Variants in EDARADD observed in about 807,000 individuals in gnomAD.
The protein encoded by EDARADD is EDAR associated via death domain.
EDARADD carries 20 observed loss-of-function variants against 25.6 expected under a neutral mutation model. That is an observed-to-expected ratio of 0.78 (90% confidence interval 0.55 to 1.14). EDARADD has a LOEUF of 1.14. EDARADD is among the 50% of genes most tolerant of loss of function. EDARADD has a pLI of 0.00. For synonymous variants in EDARADD, 86 were observed against 94.4 expected (o/e 0.91, Z 0.52); for missense variants, 225 against 270.1 (o/e 0.83, Z 1.17).
At chr1:236,446,135 C>G (rs1658531041) in intron 4 of EDARADD, among the ~76,000 whole-genome samples, 1 of 152,184 alleles carries the variant, frequency 6.6e-6, no homozygotes, top group Non-Finnish European at 1.5e-5. Context: ...CTTCCTACTG[C>G]CATTTTTTAA....
intron 3 of EDARADD, among the ~76,000 whole-genome samples, chr1:236,382,866 C>T (rs944824461): frequency 2.6e-5 from 4 of 152,164 alleles, no homozygotes; most frequent in South Asian, 4.1e-4. Context: ...GTTCTTTCCC[C>T]AGCCTTGGAT....
chr1:236,482,893 A>G lies in EDARADD; in HGVS notation c.*244A>G, dbSNP rs1482560043. On this transcript the variant is annotated 3_prime_UTR_variant, in exon 6 of 6. Coordinates refer to ENST00000334232, the MANE Select transcript of EDARADD (RefSeq NM_145861.4). ...GAATTAAGAAAACATATTTTCTAGT[A>G]TCCTCTAAGGGCCAAAGTCCTACAA... The G allele has an allele frequency of 7.9e-6, 5 of 632,248 alleles. No individual in the cohort carries two copies. Among genetic ancestry groups the G allele is most frequent in the Non-Finnish European group, 1.4e-5 (5 of 368,540 alleles). The allele number at this position is 632,248 out of a possible 1,614,324, so 39.2% of individuals were successfully genotyped here. A position where few individuals can be genotyped will look rare whatever the true frequency, so the allele number is the denominator to read the frequency against.
At chr1:236,381,574 A>G (rs1175338735) in intron 3 of EDARADD, among the ~76,000 whole-genome samples, 1 of 151,864 alleles carries the variant, frequency 6.6e-6, no homozygotes, top group Non-Finnish European at 1.5e-5. Flanking sequence ...TTTTATCTCT[A>G]CATATATCAT....
intron 4 of EDARADD, among the ~76,000 whole-genome samples, chr1:236,457,576 T>A (rs1253609): frequency 1.3e-5 from 2 of 151,742 alleles, no homozygotes; most frequent in African/African-American, 2.4e-5. Flanking sequence ...ATCCCAGCAC[T>A]TTGGGAGGCT....
chr1:236,359,722 A>C (rs1333330246), intron 3 of EDARADD, among the ~76,000 whole-genome samples: 1 of 152,132 alleles, frequency 6.6e-6, no homozygotes, highest in East Asian at 1.9e-4. Flanking sequence ...TCTTTTTAAA[A>C]CCATCAGATC....
At chr1:236,427,937 TA>T (rs1345081023) in intron 4 of EDARADD, among the ~76,000 whole-genome samples, 22 of 150,594 alleles carry the variant, frequency 1.5e-4, no homozygotes, top group African/African-American at 5.3e-4. Flanking sequence ...TCATATTTTT[TA>T]ATTGTAATTT....
intron 3 of EDARADD, among the ~76,000 whole-genome samples, chr1:236,368,718 G>A (rs1667141201): frequency 6.6e-6 from 1 of 152,104 alleles, no homozygotes; most frequent in African/African-American, 2.4e-5. Context: ...TGGATTACAG[G>A]CGTGAGCCAC....
intron 5 of EDARADD, among the ~76,000 whole-genome samples, chr1:236,471,733 A>C (rs1659365821): frequency 1.3e-5 from 2 of 152,186 alleles, no homozygotes; most frequent in African/African-American, 2.4e-5. Context: ...CTGAGAGCTA[A>C]CAGTCCTCTT....
chr1:236,437,584 A>C (rs1001033690), intron 4 of EDARADD, among the ~76,000 whole-genome samples: 1 of 151,892 alleles, frequency 6.6e-6, no homozygotes, highest in African/African-American at 2.4e-5. Context: ...TGGCAGGGAG[A>C]AGGAAGAGGG....
At chr1:236,410,191 C>T (rs1380797603) in intron 2 of EDARADD, among the ~76,000 whole-genome samples, 1 of 151,978 alleles carries the variant, frequency 6.6e-6, no homozygotes, top group Non-Finnish European at 1.5e-5. Context: ...AATCCATCAC[C>T]CACATAGTGA....
At chr1:236,426,711 C>A (rs149922965) in intron 3 of EDARADD, among the ~76,000 whole-genome samples, 49 of 152,218 alleles carry the variant, frequency 3.2e-4, no homozygotes, top group Non-Finnish European at 6.3e-4. Flanking sequence ...AGTTCAAAAC[C>A]AGCATGGACA....
chr1:236,394,388 C>A lies in EDARADD; in HGVS notation c.-57C>A. On this transcript the variant is annotated 5_prime_UTR_variant, in exon 1 of 6. The change creates a new upstream start codon in the 5' untranslated region. Transcript: ENST00000334232. ...CAACCAGCGAGCATCTTCTCGCAAT[C>A]TGTTGCTTCTTCCATGGCAAACTCC... 2 of 1,583,958 alleles carry A rather than the reference C, an allele frequency of 1.3e-6. No individual in the cohort carries two copies.
intron 4 of EDARADD, among the ~76,000 whole-genome samples, chr1:236,443,997 C>A (rs1373298575): frequency 6.6e-6 from 1 of 152,158 alleles, no homozygotes; most frequent in Non-Finnish European, 1.5e-5. Flanking sequence ...TCTTCAGCAA[C>A]CACCACCCTG....
intron 4 of EDARADD, among the ~76,000 whole-genome samples, chr1:236,444,823 A>G (rs1658490552): frequency 6.6e-6 from 1 of 152,074 alleles, no homozygotes; most frequent in Admixed American, 6.6e-5. Context: ...CCAGCAGCCA[A>G]CCCCACCTCT....
At chr1:236,479,396 G>T (rs1233261090) in intron 5 of EDARADD, among the ~76,000 whole-genome samples, 2 of 151,888 alleles carry the variant, frequency 1.3e-5, no homozygotes, top group African/African-American at 4.8e-5. Flanking sequence ...TCAGGAGGCT[G>T]AGGTGAGAGT....
Position 236,483,195 on chromosome 1 carries a change from C to T in EDARADD, c.*546C>T, listed in dbSNP as rs879032585. The T allele has an allele frequency of 6.4e-7, 1 of 1,572,980 alleles. No individual in the cohort carries two copies. Among genetic ancestry groups the T allele is most frequent in the African/African-American group, 1.3e-5 (1 of 74,114 alleles). On this transcript the variant is annotated 3_prime_UTR_variant, in exon 6 of 6. Transcript: ENST00000334232. ...TATTCTCAAGATCCATGCCAGGGAG[C>T]TCTTTGACTCTCGTGGGAATCCCAC...
Position 236,395,657 on chromosome 1 carries a change from G to A in EDARADD, c.61+1152G>A, listed in dbSNP as rs368596664. On this transcript the variant is annotated intron_variant, in intron 1 of 5. Transcript: ENST00000334232. This position sits in a 1 kb window ranked among gnomAD's most constrained non-coding sequence, Gnocchi z 6.9. ...GGCTTCACCGGACGACCCTCTGCGC[G>A]CAGGTAAAGGGACACAGCGCCGCGC... is the stretch of plus-strand genomic sequence containing the variant. 1.0e-5 allele frequency: 16 copies of A among 1,575,152 alleles called. No homozygotes were observed. In the African/African-American group the frequency reaches 2.0e-4, roughly 20 times the overall value.
At chr1:236,412,187 G>A (rs1434525578) in intron 2 of EDARADD, among the ~76,000 whole-genome samples, 2 of 152,108 alleles carry the variant, frequency 1.3e-5, no homozygotes, top group Non-Finnish European at 2.9e-5. Context: ...TAGCAATAAT[G>A]CTGTTCCCTC....
chr1:236,441,523 TTA>T (rs1553268195), intron 4 of EDARADD, among the ~76,000 whole-genome samples: 2 of 146,536 alleles, frequency 1.4e-5, no homozygotes, highest in Non-Finnish European at 1.5e-5. Flanking sequence ...TATTTATATA[TTA>T]TATATATATA....
Sources: allele counts gnomAD v4.1 joint callset (sites outside exome capture counted in the v4.1 genomes callset), GRCh38; gene constraint gnomAD v4.1.1; non-coding constraint Gnocchi (gnomAD v3.1); transcripts MANE v1.5; gene names NCBI Gene and HGNC (gene_info 2026-07-23, HGNC 2026-07-21).